KEL: variants seen among roughly 807,000 people sequenced by gnomAD.
KEL encodes the protein kell blood group glycoprotein.
KEL carries 96 observed loss-of-function variants against 99.5 expected under a neutral mutation model. The observed-to-expected ratio is 0.97, with a 90% confidence interval of 0.82 to 1.14. The LOEUF is 1.14. Ranked by LOEUF, KEL falls within the 50% of genes most tolerant of loss-of-function variation. The probability of loss-of-function intolerance (pLI) is 0.00; values close to 1 mark genes in which losing one functional copy is unlikely to be tolerated. For missense variants in KEL, 926 were observed against 924.2 expected (o/e 1.00, Z -0.03); for synonymous variants, 355 against 354.8 (o/e 1.00, Z -0.01).
intron 10 of KEL, among the ~76,000 whole-genome samples, chr7:142,950,522 T>G (rs1463466088): frequency 6.6e-6 from 1 of 152,180 alleles, no homozygotes; most frequent in African/African-American, 2.4e-5. Context: ...AGAAAACTCC[T>G]TCCTCTCTCT....
At chr7:142,949,594 C>T (rs1796623108) in intron 10 of KEL, among the ~76,000 whole-genome samples, 1 of 152,200 alleles carries the variant, frequency 6.6e-6, no homozygotes, top group African/African-American at 2.4e-5. Context: ...TTCATTGCTG[C>T]ATTCCAAGTG....
In KEL at chr7:142,953,820, A is replaced by G; in HGVS notation, c.1061T>C (p.Leu354Pro). Residue 354 changes from leucine (L) to proline (P), a missense_variant, in exon 9 of 19, where the codon CTG (leucine) becomes CCG (proline). Leu to Pro is a moderately conservative substitution (Grantham distance 98). Coordinates refer to ENST00000355265, the MANE Select transcript of KEL (RefSeq NM_000420.3). ...KNMSQLVEEMLLKQRDFLQSH... is the reference protein window; with the variant it reads ...KNMSQLVEEMPLKQRDFLQSH... ...ACCTGCGGCGAACCTCTGCTTTAGC[A>G]GCATCTCCTCCACCAGTTGTGACAT... 2 of 1,614,160 alleles carry G rather than the reference A, an allele frequency of 1.2e-6. No homozygotes were observed.
intron 7 of KEL, 23 bp downstream of exon 7, chr7:142,954,442 C>G (rs577496649): frequency 1.9e-6 from 3 of 1,610,920 alleles, no homozygotes; most frequent in East Asian, 4.5e-5. Flanking sequence ...GAGGGCAGGG[C>G]CTTTGTCCAT....
chr7:142,954,344 T>G lies in KEL; in HGVS notation c.764A>C (p.Asn255Thr), dbSNP rs751955550. 6.2e-7 allele frequency: 1 copy of G among 1,614,130 alleles called. No homozygotes were observed. Among genetic ancestry groups the G allele is most frequent in the South Asian group, 1.1e-5 (1 of 91,078 alleles). ...TCCTCCCAGCAAGGTTCCCAGCTGATTCAGGTAAGTCAGGTATTCCCGAAA... is the reference window on the plus strand; with the variant it reads ...TCCTCCCAGCAAGGTTCCCAGCTGAGTCAGGTAAGTCAGGTATTCCCGAAA... ...QIFREYLTYLNQLGTLLGGDP... is the reference protein window; with the variant it reads ...QIFREYLTYLTQLGTLLGGDP... The change falls in exon 8 of 19, where the codon AAT (asparagine) becomes ACT (threonine). Residue 255 changes from asparagine to threonine, a missense_variant. Coordinates refer to ENST00000355265, the MANE Select transcript of KEL (RefSeq NM_000420.3).
chr7:142,944,406 G>A lies in KEL; in HGVS notation c.1414-6C>T, dbSNP rs1348870950. 3 of 1,610,126 alleles carry A rather than the reference G, an allele frequency of 1.9e-6. No individual in the cohort carries two copies. The highest frequency in any genetic ancestry group is 2.2e-5 in the East Asian group (1 of 44,852). On this transcript the variant is annotated splice_polypyrimidine_tract_variant and splice_region_variant and intron_variant, in intron 12 of 18. Coordinates refer to ENST00000355265, the MANE Select transcript of KEL (RefSeq NM_000420.3). ...TCCACCTGCAGTTGAGCAACCTGGAGAGAGACACAGAAGAGGCTAGGAATA... is the reference window on the plus strand; with the variant it reads ...TCCACCTGCAGTTGAGCAACCTGGAAAGAGACACAGAAGAGGCTAGGAATA...
chr7:142,946,356 G>T (rs890041059), intron 10 of KEL, 39 bp from the exon 11 acceptor site: 2 of 1,473,688 alleles, frequency 1.4e-6, no homozygotes, highest in Non-Finnish European at 1.9e-6. Context: ...TCCTGTTCAG[G>T]ACTCTTTCCT....
chr7:142,953,219 AAG>A (rs753531841), intron 9 of KEL: 4 of 352,924 alleles, frequency 1.1e-5, no homozygotes, highest in Non-Finnish European at 1.6e-5. Flanking sequence ...GAGCCCAACA[AAG>A]AGCCACTCTT....
intron 10 of KEL, among the ~76,000 whole-genome samples, chr7:142,948,531 C>A (rs1199699793): frequency 6.6e-6 from 1 of 152,066 alleles, no homozygotes; most frequent in Non-Finnish European, 1.5e-5. Flanking sequence ...GGATTACGAG[C>A]CAACCAGGAA....
At position 142,953,865 on chromosome 7, in the gene KEL, T is replaced by A. The variant is rs1312666388; in HGVS notation, c.1016A>T (p.Asp339Val). The A allele has an allele frequency of 1.2e-6, 2 of 1,614,190 alleles. No individual in the cohort carries two copies. The highest frequency in any genetic ancestry group is 2.2e-5 in the East Asian group (1 of 44,868). ...TGACATGTTTTTCAAATATTCCACG[T>A]CATGGACCACGAGGGACTGAGAAGG... The part of the protein sequence containing the change: ...LSPSQSLVVH[D>V]VEYLKNMSQL... The change falls in exon 9 of 19, where the codon GAC (aspartate) becomes GTC (valine). Residue 339 changes from aspartate to valine, a missense_variant. Asp to Val is a radical substitution (Grantham distance 152). Transcript: ENST00000355265.
At chr7:142,946,578 G>A (rs969675146) in intron 10 of KEL, 2 of 552,594 alleles carry the variant, frequency 3.6e-6, no homozygotes, top group Admixed American at 3.1e-5. Flanking sequence ...AAGGCCTCTA[G>A]GAGGCATCAT....
rs1226210559 is a variant in KEL, at chr7:142,962,257, T to G, written c.-51A>C. 3.1e-6 allele frequency: 5 copies of G among 1,611,516 alleles called. No homozygotes were observed. In the African/African-American group the frequency reaches 6.7e-5, roughly 22 times the overall value. ...TCCTTCCTGGTTCCACTCTAGGAGC[T>G]GATTCGGAGGACTGGGGTCCAGGAA... On this transcript the variant is annotated 5_prime_UTR_variant, in exon 1 of 19. Transcript: ENST00000355265.
intron 4 of KEL, 142 bp from the exon 5 acceptor site, chr7:142,958,570 T>C: frequency 1.3e-6 from 1 of 779,416 alleles, no homozygotes. Context: ...GTAACATGAT[T>C]TACTTTCTAA....
At chr7:142,947,738 G>C (rs1452285943) in intron 10 of KEL, among the ~76,000 whole-genome samples, 1 of 152,152 alleles carries the variant, frequency 6.6e-6, no homozygotes, top group South Asian at 2.1e-4. Context: ...GGCCAGGCTG[G>C]TCTCAAACTC....
Position 142,952,575 on chromosome 7 carries a change from A to G in KEL, c.1137T>C (p.Ser379=). The part of the protein sequence containing the change: ...LVVTLSPALD[S]QFQEARRKLS... ...GCTTTCTGCGTGCCTCCTGGAATTGACTGTCCAGGGCTGGAGAAAGGGTCA... is the reference window on the plus strand; with the variant it reads ...GCTTTCTGCGTGCCTCCTGGAATTGGCTGTCCAGGGCTGGAGAAAGGGTCA... The change falls in exon 10 of 19, where the codon AGT becomes AGC. Residue 379 remains serine (S), a synonymous_variant. Coordinates refer to ENST00000355265, the MANE Select transcript of KEL (RefSeq NM_000420.3). The G allele has an allele frequency of 6.2e-7, 1 of 1,614,014 alleles. No individual in the cohort carries two copies. Among genetic ancestry groups the G allele is most frequent in the South Asian group, 1.1e-5 (1 of 91,078 alleles).
intron 1 of KEL, 165 bp downstream of exon 1, chr7:142,962,039 C>T: frequency 6.2e-7 from 1 of 1,609,812 alleles, no homozygotes; most frequent in Non-Finnish European, 8.5e-7. Flanking sequence ...ACGAACCTGT[C>T]CCCTGAATGT....
At position 142,941,158 on chromosome 7, in the gene KEL, C is replaced by A; in HGVS notation, c.*94G>T. The stretch of plus-strand genomic sequence containing the variant: ...CAAGTGCCAGCTTTTATTTTTGGAA[C>A]AGAAGCAGAAAGGAAATCTTGCTCT... On this transcript the variant is annotated 3_prime_UTR_variant, in exon 19 of 19. Transcript: ENST00000355265. 7.1e-7 allele frequency: 1 copy of A among 1,406,750 alleles called. No individual in the cohort carries two copies. The highest frequency in any genetic ancestry group is 1.0e-6 in the Non-Finnish European group (1 of 995,156). The allele number at this position is 1,406,750 out of a possible 1,614,324, so 87.1% of individuals were successfully genotyped here.
chr7:142,960,534 C>T (rs1796930859), intron 4 of KEL, among the ~76,000 whole-genome samples: 1 of 152,060 alleles, frequency 6.6e-6, no homozygotes, highest in African/African-American at 2.4e-5. Flanking sequence ...AAACACCATG[C>T]ATAGGATAGA....
At chr7:142,941,469 G>C in intron 18 of KEL, 56 bp from the exon 19 acceptor site, 1 of 1,481,802 alleles carries the variant, frequency 6.7e-7, no homozygotes, top group Middle Eastern at 2.5e-4. Flanking sequence ...AAGCTGACCC[G>C]GTGACAAGGG....
intron 11 of KEL, chr7:142,944,969 A>T: frequency 1.7e-6 from 1 of 605,872 alleles, no homozygotes; most frequent in Non-Finnish European, 2.9e-6. Context: ...CGTGAGGGCC[A>T]TCAGGGAGAT....
Sources: allele counts gnomAD v4.1 joint callset (sites outside exome capture counted in the v4.1 genomes callset), GRCh38; gene constraint gnomAD v4.1.1; transcripts MANE v1.5; gene names NCBI Gene and HGNC (gene_info 2026-07-23, HGNC 2026-07-21).